The following EFCAB5 variants were observed in gnomAD, a reference collection of about 807,000 sequenced individuals.
EFCAB5 encodes EF-hand calcium-binding domain-containing protein 5.
Under a neutral mutation model 167.9 loss-of-function variants are expected in EFCAB5, and 131 were observed. That is an observed-to-expected ratio of 0.78 (90% CI 0.68 to 0.90). The LOEUF (loss-of-function observed/expected upper bound fraction) is 0.90. Ranked by LOEUF, EFCAB5 falls within the 40% of genes least tolerant of loss-of-function variation. The pLI is 0.00. For missense variants in EFCAB5, 1,663 were observed against 1,745.2 expected (o/e 0.95, Z 0.84); for synonymous variants, 574 against 602.8 (o/e 0.95, Z 0.70).
At chr17:30,047,513 C>T (rs1233681995) in intron 8 of EFCAB5, among the ~76,000 whole-genome samples, 1 of 152,104 alleles carries the variant, frequency 6.6e-6, no homozygotes, top group South Asian at 2.1e-4. Context: ...TCCCACTAGT[C>T]AAAGTTAGTG....
Position 30,090,468 on chromosome 17 carries a change from C to T in EFCAB5, c.3731C>T (p.Ser1244Phe), listed in dbSNP as rs2071173109. Residue 1244 changes from serine to phenylalanine, a missense_variant, in exon 20 of 23, where the codon TCT becomes TTT. Transcript: ENST00000394835. The stretch of plus-strand genomic sequence containing the variant: ...GACAGTTCAGAAGTTGTTCTGGCTT[C>T]TGCCTGTGGAGAAACGCATATAGTA... Reference protein sequence around the residue: ...CTDSSEVVLASACGETHIVVP... With the variant: ...CTDSSEVVLAFACGETHIVVP... The T allele has an allele frequency of 6.2e-7, 1 of 1,613,892 alleles. No homozygotes were observed. The highest frequency in any genetic ancestry group is 1.3e-5 in the African/African-American group (1 of 74,926).
intron 21 of EFCAB5, among the ~76,000 whole-genome samples, chr17:30,092,581 GT>G (rs1415723519): frequency 5.3e-5 from 8 of 152,026 alleles, no homozygotes; most frequent in African/African-American, 1.2e-4. Context: ...TTGAAACTGG[GT>G]TTCACCATGT....
chr17:29,947,566 T>A (rs2067428547), intron 3 of EFCAB5, among the ~76,000 whole-genome samples: 1 of 152,230 alleles, frequency 6.6e-6, no homozygotes, highest in South Asian at 2.1e-4. Context: ...CCTGAAAATT[T>A]AAAATTTTTT....
At chr17:30,061,629 G>T (rs542497858) in intron 14 of EFCAB5, among the ~76,000 whole-genome samples, 1 of 152,100 alleles carries the variant, frequency 6.6e-6, no homozygotes, top group Non-Finnish European at 1.5e-5. Context: ...AGGCTGGAAC[G>T]CAGTGGCATA....
At chr17:30,069,196 C>A (rs2070661121) in intron 14 of EFCAB5, 2 of 1,546,044 alleles carry the variant, frequency 1.3e-6, no homozygotes, top group Non-Finnish European at 1.8e-6. Flanking sequence ...TTCACAGTGT[C>A]CTTCAAAAGA....
chr17:30,058,236 C>T (rs952149576), intron 13 of EFCAB5, among the ~76,000 whole-genome samples: 4 of 152,136 alleles, frequency 2.6e-5, no homozygotes, highest in Admixed American at 6.6e-5. Context: ...CAAGTACACA[C>T]ACCTGGGGTA....
chr17:30,013,362 G>T (rs1422873298), intron 7 of EFCAB5, among the ~76,000 whole-genome samples: 1 of 152,158 alleles, frequency 6.6e-6, no homozygotes, highest in Non-Finnish European at 1.5e-5. Flanking sequence ...GATTGGAATA[G>T]TTTCAGAAGG....
chr17:29,996,309 C>G lies in EFCAB5; in HGVS notation c.925-3C>G. ...TTTCTTTTTTTCCTCTTTTGAGTTG[C>G]AGATTCAGAATGTTCTTCAAGAATT... On this transcript the variant is annotated splice_polypyrimidine_tract_variant and splice_region_variant and intron_variant, in intron 5 of 22. Transcript: ENST00000394835. The G allele has an allele frequency of 6.5e-7, 1 of 1,549,262 alleles. No homozygotes were observed. Among genetic ancestry groups the G allele is most frequent in the African/African-American group, 1.4e-5 (1 of 73,122 alleles).
intron 7 of EFCAB5, 111 bp from the exon 8 acceptor site, chr17:30,034,119 G>T: frequency 7.7e-7 from 1 of 1,294,818 alleles, no homozygotes; most frequent in East Asian, 2.4e-5. Context: ...CAAATCATAT[G>T]GAAACATTTT....
At chr17:30,061,603 T>C (rs1809623574) in intron 14 of EFCAB5, among the ~76,000 whole-genome samples, 2 of 152,128 alleles carry the variant, frequency 1.3e-5, no homozygotes, top group South Asian at 4.1e-4. Context: ...AGAGACAAGG[T>C]CTCACTCTGT....
intron 1 of EFCAB5, chr17:29,930,066 C>A: frequency 4.2e-6 from 1 of 235,566 alleles, no homozygotes; most frequent in South Asian, 4.0e-5. Context: ...GGGAGGGTGA[C>A]GGAGCCGGGA....
chr17:30,062,870 G>A (rs781660962), intron 14 of EFCAB5, among the ~76,000 whole-genome samples: 1 of 152,144 alleles, frequency 6.6e-6, no homozygotes, highest in Non-Finnish European at 1.5e-5. Flanking sequence ...ACTCAAAGCA[G>A]TCATTCCTCC....
At chr17:29,958,064 G>T (rs781686958) in intron 3 of EFCAB5, among the ~76,000 whole-genome samples, 19 of 152,122 alleles carry the variant, frequency 1.2e-4, no homozygotes, top group Non-Finnish European at 2.5e-4. Flanking sequence ...AATTTGGTTT[G>T]CTAGTATTTT....
chr17:30,046,593 T>A (rs1416312933), intron 8 of EFCAB5, among the ~76,000 whole-genome samples: 1 of 152,172 alleles, frequency 6.6e-6, no homozygotes, highest in Non-Finnish European at 1.5e-5. Context: ...GTCTTTTACA[T>A]TAAAGTTAGC....
At chr17:30,039,302 C>A (rs1208045164) in intron 8 of EFCAB5, among the ~76,000 whole-genome samples, 1 of 152,182 alleles carries the variant, frequency 6.6e-6, no homozygotes, top group African/African-American at 2.4e-5. Context: ...AATCATGGGC[C>A]ATTGTTCCTG....
intron 7 of EFCAB5, among the ~76,000 whole-genome samples, chr17:30,028,730 G>A (rs779453583): frequency 6.6e-6 from 1 of 152,166 alleles, no homozygotes; most frequent in Non-Finnish European, 1.5e-5. Context: ...CCTCACAACT[G>A]TGGAAGTTAG....
chr17:29,960,354 T>C (rs1177653733), intron 3 of EFCAB5, among the ~76,000 whole-genome samples: 1 of 152,196 alleles, frequency 6.6e-6, no homozygotes, highest in East Asian at 1.9e-4. Context: ...AGTGGTTCAA[T>C]GTGGTGTTCC....
intron 14 of EFCAB5, chr17:30,069,374 T>C (rs2070667387): frequency 6.4e-7 from 1 of 1,558,246 alleles, no homozygotes; most frequent in Non-Finnish European, 8.8e-7. Flanking sequence ...GAACAGCTTG[T>C]TTGATGAAGT....
rs186454607 is a variant in EFCAB5, at chr17:30,098,853, A to T, written c.4321+5917A>T. ...CTCCTGGGAGCCACTAATCTACTTT[A>T]TGTCTCTATGGATTTACCTATTCTG... On this transcript the variant is annotated intron_variant, in intron 22 of 22. Coordinates refer to ENST00000394835, the MANE Select transcript of EFCAB5 (RefSeq NM_198529.4). Among the ~76,000 whole-genome samples, 6 of 152,226 alleles carry T rather than the reference A, an allele frequency of 3.9e-5. No individual in the cohort carries two copies. The East Asian group carries it at 7.7e-4, about 20-fold the overall frequency.
Sources: gnomAD v4.1 joint callset for allele counts (sites outside exome capture counted in the v4.1 genomes callset) on GRCh38, gnomAD v4.1.1 for gene constraint, MANE v1.5 for transcripts, NCBI Gene and HGNC (gene_info 2026-07-23, HGNC 2026-07-21) for gene names.